Variants in MNAT1 observed in about 807,000 individuals in gnomAD.
The protein encoded by MNAT1 is MNAT1 component of CDK activating kinase.
In MNAT1, 43 loss-of-function variants were observed where a neutral mutation model predicts 42.0. The ratio of observed to expected loss-of-function variants is 1.02; its 90% CI spans 0.80 to 1.32. MNAT1 has a LOEUF of 1.32. Ranked by LOEUF, MNAT1 falls within the 40% of genes most tolerant of loss-of-function variation. The pLI is 0.00. For missense variants in MNAT1, 306 were observed against 350.4 expected, an observed-to-expected ratio of 0.87 and a Z score of 1.01; for synonymous variants, 118 against 120.0, an observed-to-expected ratio of 0.98 and a Z score of 0.11.
At chr14:60,861,474 T>G (rs1162639845) in intron 6 of MNAT1, among the ~76,000 whole-genome samples, 1 of 152,178 alleles carries the variant, frequency 6.6e-6, no homozygotes, top group Non-Finnish European at 1.5e-5. Context: ...ATGCCTGTTT[T>G]GCTCACTGTG....
chr14:60,904,329 ATTT>A (rs1013331032), intron 7 of MNAT1, among the ~76,000 whole-genome samples: 1 of 151,452 alleles, frequency 6.6e-6, no homozygotes, highest in Non-Finnish European at 1.5e-5. Flanking sequence ...TACTAAATTA[ATTT>A]TTTTTTCTGG....
At position 60,798,051 on chromosome 14, in the gene MNAT1, ATGTAATATGTAGATTT is replaced by A. The variant is rs769241562; in HGVS notation, c.243-35_243-20del. On this transcript the variant is annotated intron_variant, in intron 2 of 7. Transcript: ENST00000261245. The stretch of plus-strand genomic sequence containing the variant: ...GTTAGATAATATTAAAAGCAATGAT[ATGTAATATGTAGATTT>A]CTTTTTTCTTTTCTTAAAGATACAA... 2 of 976,324 alleles carry A rather than the reference ATGTAATATGTAGATTT, an allele frequency of 2.0e-6. No individual in the cohort carries two copies. Among genetic ancestry groups the A allele is most frequent in the Non-Finnish European group, 3.2e-6 (2 of 617,046 alleles). 60.5% of individuals were successfully genotyped at this position (976,324 alleles called of 1,614,324 possible). A position where few individuals can be genotyped will look rare whatever the true frequency, so the allele number is the denominator to read the frequency against.
At chr14:60,959,535 A>T (rs931443164) in intron 7 of MNAT1, among the ~76,000 whole-genome samples, 8 of 152,168 alleles carry the variant, frequency 5.3e-5, no homozygotes, top group Non-Finnish European at 1.2e-4. Context: ...AGTGATTACA[A>T]ACTTGGGAGT....
intron 7 of MNAT1, among the ~76,000 whole-genome samples, chr14:60,946,696 A>G (rs968337878): frequency 6.6e-6 from 1 of 152,086 alleles, no homozygotes; most frequent in Non-Finnish European, 1.5e-5. Context: ...CTTCTTGTAT[A>G]TCGTTCCTGA....
intron 5 of MNAT1, among the ~76,000 whole-genome samples, chr14:60,815,224 T>G (rs1292441148): frequency 6.8e-6 from 1 of 146,238 alleles, no homozygotes; most frequent in Non-Finnish European, 1.5e-5. Context: ...TCTTTTTCCC[T>G]TTTTTTTTTT....
chr14:60,757,110 G>A (rs532537650), intron 1 of MNAT1, among the ~76,000 whole-genome samples: 3 of 152,294 alleles, frequency 2.0e-5, no homozygotes, highest in Admixed American at 2.0e-4. Flanking sequence ...TTCTGGTACT[G>A]CAGAAGTTGT....
At chr14:60,738,125 T>C (rs1400500733) in intron 1 of MNAT1, among the ~76,000 whole-genome samples, 1 of 151,444 alleles carries the variant, frequency 6.6e-6, no homozygotes, top group Admixed American at 6.6e-5. Flanking sequence ...TACCAACAAC[T>C]GTATGGAGAT....
intron 1 of MNAT1, among the ~76,000 whole-genome samples, chr14:60,752,805 C>T (rs2030155507): frequency 6.6e-6 from 1 of 152,212 alleles, no homozygotes; most frequent in Non-Finnish European, 1.5e-5. Context: ...CACTCTGTTG[C>T]CCAGGCTAGA....
intron 1 of MNAT1, among the ~76,000 whole-genome samples, chr14:60,745,093 A>G (rs578195695): frequency 9.2e-5 from 14 of 152,126 alleles, no homozygotes; most frequent in Non-Finnish European, 1.5e-4. Flanking sequence ...ATCTCTGCCT[A>G]TTTGGCTTAG....
intron 3 of MNAT1, among the ~76,000 whole-genome samples, chr14:60,801,386 A>G (rs989017914): frequency 1.3e-5 from 2 of 152,318 alleles, no homozygotes; most frequent in Admixed American, 6.5e-5. Context: ...CTCACAACAA[A>G]GGAAACAACA....
chr14:60,931,453 G>T (rs762276024), intron 7 of MNAT1, among the ~76,000 whole-genome samples: 1 of 152,154 alleles, frequency 6.6e-6, no homozygotes, highest in Admixed American at 6.6e-5. Context: ...CTGCCAGAGA[G>T]TATGTGCAGC....
intron 7 of MNAT1, among the ~76,000 whole-genome samples, chr14:60,901,376 A>G (rs6573341): frequency 0.91 from 137,786 of 152,228 alleles, 63,272 homozygotes; most frequent in Non-Finnish European, 0.99. Context: ...TGTGCAAGGA[A>G]ATGGATATTG....
At chr14:60,794,972 A>T (rs1005121636) in intron 1 of MNAT1, among the ~76,000 whole-genome samples, 1 of 152,076 alleles carries the variant, frequency 6.6e-6, no homozygotes, top group Admixed American at 6.6e-5. Context: ...GATAGGCAAC[A>T]TTCTGTCTTT....
At chr14:60,957,271 T>G (rs1305754046) in intron 7 of MNAT1, among the ~76,000 whole-genome samples, 1 of 152,218 alleles carries the variant, frequency 6.6e-6, no homozygotes, top group African/African-American at 2.4e-5. Context: ...GGTATTAGTC[T>G]GTCCTCATCC....
intron 1 of MNAT1, among the ~76,000 whole-genome samples, chr14:60,776,434 G>C (rs967861432): frequency 1.7e-4 from 26 of 152,122 alleles, no homozygotes; most frequent in African/African-American, 6.0e-4. Context: ...TCATTGGAGT[G>C]AGGCAGTCCA....
At chr14:60,845,483 G>A (rs1438878604) in intron 6 of MNAT1, among the ~76,000 whole-genome samples, 8 of 152,020 alleles carry the variant, frequency 5.3e-5, no homozygotes, top group Non-Finnish European at 7.4e-5. Flanking sequence ...ATTAGTCTAG[G>A]TAGATGTTGT....
intron 7 of MNAT1, among the ~76,000 whole-genome samples, chr14:60,962,450 A>G (rs1348813604): frequency 6.6e-6 from 1 of 152,202 alleles, no homozygotes; most frequent in East Asian, 1.9e-4. Context: ...TGAGATAATC[A>G]GCACTACCAA....
At position 60,879,714 on chromosome 14, in the gene MNAT1, G is replaced by C. The variant is rs765969291; in HGVS notation, c.688G>C (p.Gly230Arg). 6.2e-6 allele frequency: 10 copies of C among 1,610,460 alleles called. No homozygotes were observed. The highest frequency in any genetic ancestry group is 8.5e-6 in the Non-Finnish European group (10 of 1,178,286). Residue 230 changes from glycine (G) to arginine (R), a missense_variant and splice_region_variant, in exon 7 of 8, where the codon GGT becomes CGT. Around this residue, in one of 3 missense-constraint regions of MNAT1, gnomAD observed 116 missense variants for 139.6 expected, o/e 0.83. Transcript: ENST00000261245. ...PVTFSTGIKM[G>R]QHISLAPIHK... Reference sequence around the variant, plus strand: ...TTAAGTTCCTTCATTTTTCTAACAGGGTCAACATATTTCACTGGCACCTAT... The same window carrying C: ...TTAAGTTCCTTCATTTTTCTAACAGCGTCAACATATTTCACTGGCACCTAT...
chr14:60,937,601 G>A (rs111295065), intron 7 of MNAT1, among the ~76,000 whole-genome samples: 2 of 152,052 alleles, frequency 1.3e-5, no homozygotes, highest in African/African-American at 4.8e-5. Flanking sequence ...GTCTGTTTTG[G>A]TACCAGTACC....
Sources: gnomAD v4.1 joint callset for allele counts (sites outside exome capture counted in the v4.1 genomes callset) on GRCh38, gnomAD v4.1.1 for gene constraint, gnomAD v4.1.1 regional missense constraint, MANE v1.5 for transcripts, NCBI Gene and HGNC (gene_info 2026-07-23, HGNC 2026-07-21) for gene names.